RNF123: variants seen among roughly 807,000 people sequenced by gnomAD.
RNF123 encodes the protein E3 ubiquitin-protein ligase RNF123.
RNF123 carries 86 observed loss-of-function variants against 168.5 expected under a neutral mutation model. The ratio of observed to expected loss-of-function variants is 0.51; its 90% CI spans 0.43 to 0.61. RNF123 has a LOEUF of 0.61. RNF123 is among the 20% of genes least tolerant of loss of function. RNF123 has a pLI of 0.00. For missense variants in RNF123, 1,419 were observed against 1,729.7 expected, an observed-to-expected ratio of 0.82 and a Z score of 3.19; for synonymous variants, 666 against 689.1, an observed-to-expected ratio of 0.97 and a Z score of 0.52.
At position 49,697,884 on chromosome 3, in the gene RNF123, G is replaced by T; in HGVS notation, c.343-1G>T. 6.2e-7 allele frequency: 1 copy of T among 1,614,198 alleles called. No homozygotes were observed. The highest frequency in any genetic ancestry group is 8.5e-7 in the Non-Finnish European group (1 of 1,180,042). ...GCCCACCACCCCTCTTCTTCACCCA[G>T]GTGATTGGACACAGCAACTTTGGCA... On this transcript the variant is annotated splice_acceptor_variant, in intron 5 of 38. Coordinates refer to ENST00000327697, the MANE Select transcript of RNF123 (RefSeq NM_022064.5). LOFTEE classifies it high-confidence loss of function.
rs2054390946 is a variant in RNF123 at position 49,701,677 on chromosome 3, G to A, written c.1395+69G>A. 1.3e-5 allele frequency: 20 copies of A among 1,492,866 alleles called. No individual in the cohort carries two copies. The South Asian group carries it at 2.0e-4, about 15-fold the overall frequency. The allele number at this position is 1,492,866 out of a possible 1,614,324, so 92.5% of individuals were successfully genotyped here. ...CCCTGGCCTGGGCATCTGGCCACTG[G>A]GCATCTAGCATGAGGCCTTTTCACT... is the stretch of plus-strand genomic sequence containing the variant. On this transcript the variant is annotated intron_variant, in intron 16 of 38. Coordinates refer to ENST00000327697, the MANE Select transcript of RNF123 (RefSeq NM_022064.5).
intron 18 of RNF123, 76 bp from the exon 19 acceptor site, chr3:49,702,258 A>C: frequency 6.3e-7 from 1 of 1,587,826 alleles, no homozygotes; most frequent in Non-Finnish European, 8.6e-7. Flanking sequence ...GGCTGGGGGA[A>C]GGTGCAGCAC....
Position 49,698,758 on chromosome 3 carries a change from T to TGGGCAGC in RNF123, c.578_584dup (p.Asp196SerfsTer10). The TGGGCAGC allele has an allele frequency of 6.2e-7, 1 of 1,613,586 alleles. No homozygotes were observed. Among genetic ancestry groups the TGGGCAGC allele is most frequent in the Non-Finnish European group, 8.5e-7 (1 of 1,179,832 alleles). On this transcript the variant is annotated frameshift_variant, in exon 9 of 39. Coordinates refer to ENST00000327697, the MANE Select transcript of RNF123 (RefSeq NM_022064.5). LOFTEE classifies it high-confidence loss of function. ...GTGAGGCCTCCTCTCATGGCAGGCGTGGGCAGCGGGGGACATCGTGAGCTG... is the reference window on the plus strand; with the variant it reads ...GTGAGGCCTCCTCTCATGGCAGGCGTGGGCAGCGGGCAGCGGGGGACATCGTGAGCTG...
intron 35 of RNF123, chr3:49,719,478 C>G (rs1296232732): frequency 5.6e-6 from 9 of 1,604,950 alleles, no homozygotes; most frequent in Non-Finnish European, 6.8e-6. Context: ...CGGCGACCAC[C>G]AGGGACAGTA....
chr3:49,710,349 G>A (rs2080120332), intron 26 of RNF123, among the ~76,000 whole-genome samples: 1 of 152,052 alleles, frequency 6.6e-6, no homozygotes. Flanking sequence ...GCAAGATTTT[G>A]GCTCACTGCA....
chr3:49,716,303 A>G (rs2108200967), intron 34 of RNF123, 90 bp from the exon 35 acceptor site: 1 of 1,546,778 alleles, frequency 6.5e-7, no homozygotes, highest in Non-Finnish European at 8.9e-7. Context: ...GTCTCGGCTC[A>G]CCCTTCTGTA....
In RNF123 at chr3:49,699,783, TTGGGAGGGGCA is replaced by T. The variant is rs747951226; in HGVS notation, c.984+21_984+31del. 24 of 1,611,450 alleles carry T rather than the reference TTGGGAGGGGCA, an allele frequency of 1.5e-5. No individual in the cohort carries two copies. The South Asian group carries it at 2.1e-4, about 14-fold the overall frequency. On this transcript the variant is annotated intron_variant, in intron 12 of 38. Transcript: ENST00000327697. The surrounding 1 kb of genome is among the most constrained non-coding windows in gnomAD (Gnocchi z 4.8). ...TTTGCACCGCTTCTGGTGAGCGGCA[TTGGGAGGGGCA>T]TGGGAGGGGAGGAGACAGGCCATGC...
At position 49,699,712 on chromosome 3, in the gene RNF123, G is replaced by A. The variant is rs1476575854; in HGVS notation, c.924G>A (p.Arg308=). Reference sequence around the variant, plus strand: ...AGGAGAGCTCCAAGTGGCGGTTGCGGGGCCAGCCCACCGTCCTCCTCACAC... The same window carrying A: ...AGGAGAGCTCCAAGTGGCGGTTGCGAGGCCAGCCCACCGTCCTCCTCACAC... ...LDKESSKWRL[R]GQPTVLLTLA... is the part of the protein sequence containing the mutation. The change falls in exon 12 of 39, where the codon CGG becomes CGA. Residue 308 remains arginine (R), a synonymous_variant. Coordinates refer to ENST00000327697, the MANE Select transcript of RNF123 (RefSeq NM_022064.5). This position sits in a 1 kb window ranked among gnomAD's most constrained non-coding sequence, Gnocchi z 4.8. The A allele has an allele frequency of 6.2e-7, 1 of 1,613,742 alleles. No individual in the cohort carries two copies. The highest frequency in any genetic ancestry group is 1.1e-5 in the South Asian group (1 of 91,088).
chr3:49,719,635 G>T, intron 35 of RNF123: 1 of 613,060 alleles, frequency 1.6e-6, no homozygotes. Context: ...CAGGTTGTGA[G>T]GCGGTGCGGC....
rs543344757 is a variant in RNF123, at chr3:49,699,701, T to C, written c.913T>C (p.Trp305Arg). Residue 305 changes from tryptophan to arginine, a missense_variant, in exon 12 of 39, where the codon TGG becomes CGG. Physicochemically the swap from Trp to Arg is moderately radical, Grantham distance 101 (BLOSUM62 -3). Around this residue, in one of 5 missense-constraint regions of RNF123, gnomAD observed 318 missense variants for 446.6 expected, o/e 0.71. Transcript: ENST00000327697. The surrounding 1 kb of genome is among the most constrained non-coding windows in gnomAD (Gnocchi z 4.8). ...GRLLDKESSK[W>R]RLRGQPTVLL... ...GCTGTTGGACAAGGAGAGCTCCAAG[T>C]GGCGGTTGCGGGGCCAGCCCACCGT... The C allele has an allele frequency of 6.2e-7, 1 of 1,613,782 alleles. No homozygotes were observed. The highest frequency in any genetic ancestry group is 8.5e-7 in the Non-Finnish European group (1 of 1,179,980).
rs1180856057 is a variant in RNF123, at chr3:49,704,729, T to G, written c.1932T>G (p.Asp644Glu). 2 of 1,589,604 alleles carry G rather than the reference T, an allele frequency of 1.3e-6. No homozygotes were observed. The highest frequency in any genetic ancestry group is 2.3e-5 in the South Asian group (2 of 87,668). Residue 644 changes from aspartate to glutamate, a missense_variant, in exon 22 of 39, where the codon GAT (aspartate) becomes GAG (glutamate). Asp to Glu is a conservative substitution (Grantham distance 45, BLOSUM62 2). Around this residue, in one of 5 missense-constraint regions of RNF123, gnomAD observed 538 missense variants for 708.8 expected, o/e 0.76. Transcript: ENST00000327697. ...QSTAMDDLDE[D>E]EEPAPAMAQR... ...CCGCCATGGATGACCTAGATGAGGA[T>G]GAGGAGCCAGCCCCAGCTATGGCCC...
intron 35 of RNF123, chr3:49,719,600 C>T: frequency 1.4e-6 from 1 of 727,926 alleles, no homozygotes. Context: ...TTCTTGCCAG[C>T]CGACGGCCCC....
chr3:49,699,712 G>C lies in RNF123; in HGVS notation c.924G>C (p.Arg308=), dbSNP rs1476575854. The change falls in exon 12 of 39, where the codon CGG becomes CGC. Residue 308 remains arginine, a synonymous_variant. Transcript: ENST00000327697. This position sits in a 1 kb window ranked among gnomAD's most constrained non-coding sequence, Gnocchi z 4.8. ...AGGAGAGCTCCAAGTGGCGGTTGCG[G>C]GGCCAGCCCACCGTCCTCCTCACAC... ...LDKESSKWRL[R]GQPTVLLTLA... The C allele has an allele frequency of 6.2e-7, 1 of 1,613,742 alleles. No individual in the cohort carries two copies. The highest frequency in any genetic ancestry group is 8.5e-7 in the Non-Finnish European group (1 of 1,179,996).
Position 49,713,947 on chromosome 3 carries a change from G to A in RNF123, c.2875G>A (p.Glu959Lys). 1 of 1,614,018 alleles carries A rather than the reference G, an allele frequency of 6.2e-7. No individual in the cohort carries two copies. Among genetic ancestry groups the A allele is most frequent in the Non-Finnish European group, 8.5e-7 (1 of 1,179,986 alleles). ...AMVRNLLAPY[E>K]QRPWAQTNWI... is the part of the protein sequence containing the mutation. Reference sequence around the variant, plus strand: ...GGTGAGGAACCTCCTGGCGCCCTATGAGCAGCGGCCCTGGGCCCAGACCAA... The same window carrying A: ...GGTGAGGAACCTCCTGGCGCCCTATAAGCAGCGGCCCTGGGCCCAGACCAA... Residue 959 changes from glutamate to lysine, a missense_variant, in exon 30 of 39, where the codon GAG becomes AAG. Transcript: ENST00000327697.
intron 3 of RNF123, among the ~76,000 whole-genome samples, chr3:49,692,658 G>A (rs1332042777): frequency 1.3e-5 from 2 of 152,188 alleles, no homozygotes; most frequent in African/African-American, 2.4e-5. Context: ...TAACCATCCA[G>A]TACTTTGCCT....
In RNF123 at chr3:49,715,902, C is replaced by T. The variant is rs201865623; in HGVS notation, c.3231C>T (p.Leu1077=). Reference sequence around the variant, plus strand: ...AGGTATGTGCCACCTGCTTTGACCTCTCGGTCAGCCTGCTGCGTGTCTTGG... The same window carrying T: ...AGGTATGTGCCACCTGCTTTGACCTTTCGGTCAGCCTGCTGCGTGTCTTGG... ...QLKVCATCFD[L]SVSLLRVLEM... The change falls in exon 33 of 39, where the codon CTC becomes CTT. Residue 1077 remains leucine, a synonymous_variant. Transcript: ENST00000327697. 1 of 1,614,118 alleles carries T rather than the reference C, an allele frequency of 6.2e-7. No homozygotes were observed. The highest frequency in any genetic ancestry group is 8.5e-7 in the Non-Finnish European group (1 of 1,180,044).
In RNF123 at chr3:49,715,464, G is replaced by C. The variant is rs541713644; in HGVS notation, c.3011-111G>C. On this transcript the variant is annotated intron_variant, in intron 31 of 38. Coordinates refer to ENST00000327697, the MANE Select transcript of RNF123 (RefSeq NM_022064.5). ...CTTTCATGACCTGAGCATTCCTAGG[G>C]AGCCATCTTTCTGTCCTTATACCAA... 179 of 1,315,998 alleles carry C rather than the reference G, an allele frequency of 1.4e-4. 2 individuals are homozygous for C. The East Asian group carries it at 4.3e-3, about 31-fold the overall frequency. 81.5% of individuals were successfully genotyped at this position (1,315,998 alleles called of 1,614,324 possible).
intron 35 of RNF123, chr3:49,716,818 G>C: frequency 3.7e-6 from 1 of 267,170 alleles, no homozygotes; most frequent in Non-Finnish European, 7.2e-6. Context: ...TGAACACACG[G>C]AGGACCGCCA....
At position 49,691,186 on chromosome 3, in the gene RNF123, C is replaced by T; in HGVS notation, c.21C>T (p.Gly7=). The stretch of plus-strand genomic sequence containing the variant: ...GAAGGATGGCATCCAAGGGGGCCGG[C>T]ATGTCTTTCTCCCGCAAGAGCTATA... MASKGA[G]MSFSRKSYRL... The change falls in exon 2 of 39, where the codon GGC becomes GGT. Residue 7 remains glycine, a synonymous_variant. Coordinates refer to ENST00000327697, the MANE Select transcript of RNF123 (RefSeq NM_022064.5). 1 of 1,613,932 alleles carries T rather than the reference C, an allele frequency of 6.2e-7. No homozygotes were observed. Among genetic ancestry groups the T allele is most frequent in the African/African-American group, 1.3e-5 (1 of 75,064 alleles).
Sources: gnomAD v4.1 joint callset for allele counts (sites outside exome capture counted in the v4.1 genomes callset) on GRCh38, gnomAD v4.1.1 for gene constraint, gnomAD v4.1.1 regional missense constraint, Gnocchi (gnomAD v3.1) non-coding constraint, MANE v1.5 for transcripts, NCBI Gene and HGNC (gene_info 2026-07-23, HGNC 2026-07-21) for gene names.